Variants in SOX5 observed in about 807,000 individuals in gnomAD.
SOX5 encodes the protein SRY-box transcription factor 5.
A neutral mutation model predicts 92.0 loss-of-function variants in SOX5; 9 were observed. The observed-to-expected ratio is 0.10, with a 90% confidence interval of 0.06 to 0.17. The LOEUF (loss-of-function observed/expected upper bound fraction) is 0.17. Among genes scored for constraint, SOX5 ranks in the 10% least tolerant of loss-of-function variants. SOX5 has a pLI of 1.00. For missense variants in SOX5, 642 were observed against 944.5 expected, an observed-to-expected ratio of 0.68 and a Z score of 4.20; for synonymous variants, 344 against 336.3, an observed-to-expected ratio of 1.02 and a Z score of -0.25.
intron 8 of SOX5, among the ~76,000 whole-genome samples, chr12:23,634,489 A>C (rs1470775211): frequency 6.6e-6 from 1 of 152,120 alleles, no homozygotes; most frequent in East Asian, 1.9e-4. Context: ...GCTAGAGAGA[A>C]CAGCTAGCAC....
intron 1 of SOX5, among the ~76,000 whole-genome samples, chr12:24,479,112 T>G (rs1413164831): frequency 6.6e-6 from 1 of 152,188 alleles, no homozygotes; most frequent in Non-Finnish European, 1.5e-5. Flanking sequence ...CTCTGAGTAT[T>G]CATTCACATC....
chr12:24,551,080 G>A (rs1953106633), intron 1 of SOX5, among the ~76,000 whole-genome samples: 1 of 152,172 alleles, frequency 6.6e-6, no homozygotes, highest in South Asian at 2.1e-4. Context: ...GCCTTGACCT[G>A]TATGGGAAAT....
At chr12:23,745,973 A>C (rs970313035) in intron 4 of SOX5, among the ~76,000 whole-genome samples, 5 of 152,182 alleles carry the variant, frequency 3.3e-5, no homozygotes, top group African/African-American at 1.2e-4. Context: ...TGAATGACAT[A>C]AAGAATACAG....
chr12:23,896,040 G>C lies in SOX5; in HGVS notation c.39-16C>G, dbSNP rs763272233. ...GGAAGACATCCTGGAAGGAACAAAA[G>C]AGGAGAAAATAATGAAACCTCCACA... is the stretch of plus-strand genomic sequence containing the variant. On this transcript the variant is annotated splice_polypyrimidine_tract_variant and intron_variant, in intron 1 of 14. Coordinates refer to ENST00000451604, the MANE Select transcript of SOX5 (RefSeq NM_006940.6). 6.4e-7 allele frequency: 1 copy of C among 1,556,622 alleles called. No homozygotes were observed. Among genetic ancestry groups the C allele is most frequent in the Admixed American group, 1.7e-5 (1 of 59,750 alleles).
At chr12:23,604,190 T>TA in intron 9 of SOX5, 197 bp downstream of exon 9, 1 of 565,300 alleles carries the variant, frequency 1.8e-6, no homozygotes, top group Non-Finnish European at 3.2e-6. Context: ...GATACACGCA[T>TA]ATTGAATAAA....
chr12:23,746,306 C>T (rs926218248), intron 4 of SOX5, among the ~76,000 whole-genome samples: 1 of 151,896 alleles, frequency 6.6e-6, no homozygotes, highest in Non-Finnish European at 1.5e-5. Context: ...AGAGGCCTCC[C>T]AGCAAAAAGG....
At chr12:23,852,924 T>C (rs1168436767) in intron 2 of SOX5, among the ~76,000 whole-genome samples, 1 of 151,628 alleles carries the variant, frequency 6.6e-6, no homozygotes, top group African/African-American at 2.4e-5. Flanking sequence ...GGAAAAACTG[T>C]TAAGAGCTAA....
chr12:24,506,278 C>G (rs1948733879), intron 1 of SOX5, among the ~76,000 whole-genome samples: 1 of 152,010 alleles, frequency 6.6e-6, no homozygotes, highest in African/African-American at 2.4e-5. Context: ...ACATTTTCCA[C>G]TTTTAACTAT....
intron 4 of SOX5, among the ~76,000 whole-genome samples, chr12:23,750,624 C>T (rs1360478601): frequency 6.6e-6 from 1 of 151,758 alleles, no homozygotes; most frequent in African/African-American, 2.4e-5. Context: ...CTTTATGCTT[C>T]TCAAACAAGC....
At chr12:24,189,239 G>C (rs1175326736) in intron 4 of SOX5, among the ~76,000 whole-genome samples, 1 of 152,118 alleles carries the variant, frequency 6.6e-6, no homozygotes, top group East Asian at 1.9e-4. Flanking sequence ...TGAAATACTG[G>C]CCGTTCTCCA....
chr12:23,598,039 C>A (rs1476903059), intron 9 of SOX5, among the ~76,000 whole-genome samples: 1 of 152,156 alleles, frequency 6.6e-6, no homozygotes, highest in Non-Finnish European at 1.5e-5. Flanking sequence ...GGCGGCTCCT[C>A]TTTTATTAAT....
chr12:23,710,379 T>A (rs1443936853), intron 6 of SOX5, among the ~76,000 whole-genome samples: 1 of 148,722 alleles, frequency 6.7e-6, no homozygotes, highest in Non-Finnish European at 1.5e-5. Flanking sequence ...TCCTAATGCT[T>A]TCCCTCCCCG....
chr12:24,147,217 T>C (rs1023318657), intron 4 of SOX5, among the ~76,000 whole-genome samples: 2 of 152,290 alleles, frequency 1.3e-5, no homozygotes, highest in East Asian at 1.9e-4. Context: ...GATGCAAATA[T>C]GCTTAACAAA....
rs898906104 is a variant in SOX5, at chr12:24,275,323, A to G, written c.-77+1893T>C. Among the ~76,000 whole-genome samples, 6 of 152,262 alleles carry G rather than the reference A, an allele frequency of 3.9e-5. No homozygotes were observed. The South Asian group carries it at 6.2e-4, about 16-fold the overall frequency. Reference sequence around the variant, plus strand: ...ATTAATTTTTCTGTGTTTGTAATATATATGCACATGTAGAGATATATATGT... The same window carrying G: ...ATTAATTTTTCTGTGTTTGTAATATGTATGCACATGTAGAGATATATATGT... On this transcript the variant is annotated intron_variant, in intron 3 of 4. Transcript: ENST00000446891.
At chr12:24,023,899 T>C (rs1007237774) in intron 4 of SOX5, among the ~76,000 whole-genome samples, 23 of 152,028 alleles carry the variant, frequency 1.5e-4, no homozygotes, top group Middle Eastern at 3.2e-3. Flanking sequence ...GCTTTCATTA[T>C]CTCTTTGACA....
At chr12:24,505,846 T>TGCGC (rs1365246326) in intron 1 of SOX5, among the ~76,000 whole-genome samples, 2 of 140,964 alleles carry the variant, frequency 1.4e-5, no homozygotes, top group Non-Finnish European at 3.1e-5. Flanking sequence ...TGTGTGTGTG[T>TGCGC]GTGTGTGCGT....
intron 1 of SOX5, among the ~76,000 whole-genome samples, chr12:24,552,252 G>A (rs1176276232): frequency 6.6e-6 from 1 of 152,158 alleles, no homozygotes; most frequent in African/African-American, 2.4e-5. Flanking sequence ...AATCAGTTGT[G>A]CTTTATCTTG....
intron 3 of SOX5, among the ~76,000 whole-genome samples, chr12:23,800,296 G>A (rs2095637766): frequency 6.6e-6 from 1 of 152,120 alleles, no homozygotes; most frequent in South Asian, 2.1e-4. Context: ...ATAATGGAGG[G>A]TATAGTGATA....
intron 2 of SOX5, among the ~76,000 whole-genome samples, chr12:24,331,863 A>C (rs1456201947): frequency 6.7e-6 from 1 of 149,972 alleles, no homozygotes; most frequent in Non-Finnish European, 1.5e-5. Context: ...AAAAAAAAAA[A>C]AAAAAAAAAA....
Sources: allele counts gnomAD v4.1 joint callset (sites outside exome capture counted in the v4.1 genomes callset), GRCh38; gene constraint gnomAD v4.1.1; transcripts MANE v1.5; gene names NCBI Gene and HGNC (gene_info 2026-07-23, HGNC 2026-07-21).